PACRG: variants seen among roughly 807,000 people sequenced by gnomAD.
PACRG encodes parkin coregulated, also known as parkin coregulated gene protein.
In PACRG, 29 loss-of-function variants were observed where a neutral mutation model predicts 29.7. The observed-to-expected ratio is 0.98, with a 90% CI of 0.73 to 1.33. The LOEUF is 1.33. Ranked by LOEUF, PACRG falls within the 40% of genes most tolerant of loss-of-function variation. PACRG has a pLI of 0.00. For synonymous variants in PACRG, 116 were observed against 118.7 expected (o/e 0.98, Z 0.15); for missense variants, 279 against 316.2 (o/e 0.88, Z 0.89).
chr6:163,018,934 T>A (rs1806351350), intron 2 of PACRG, among the ~76,000 whole-genome samples: 1 of 152,228 alleles, frequency 6.6e-6, no homozygotes. Flanking sequence ...TTTTGTCTCC[T>A]GTGTTTCTTA....
intron 4 of PACRG, among the ~76,000 whole-genome samples, chr6:163,131,315 C>CAAAAAAAAAA (rs55958953): frequency 7.3e-6 from 1 of 136,184 alleles, no homozygotes; most frequent in Non-Finnish European, 1.6e-5. Context: ...CTGTCTCAAA[C>CAAAAAAAAAA]AAAAAAAAAA....
At chr6:162,792,342 T>C (rs550383481) in intron 1 of PACRG, among the ~76,000 whole-genome samples, 1 of 152,086 alleles carries the variant, frequency 6.6e-6, no homozygotes, top group African/African-American at 2.4e-5. Flanking sequence ...AGGGAAATAA[T>C]TGGATTTTCA....
chr6:163,166,813 G>C (rs1778834030), intron 4 of PACRG, among the ~76,000 whole-genome samples: 1 of 152,228 alleles, frequency 6.6e-6, no homozygotes, highest in East Asian at 1.9e-4. Context: ...ATAGTGTCTG[G>C]CTGAATGAGT....
rs1305019756 is a variant in PACRG at position 163,285,796 on chromosome 6, T to C, written c.614-29031T>C. Reference sequence around the variant, plus strand: ...CGGCTCTGTATAAATTCCTCTCAGGTAGATGACAGCATCTAGCAAAGAACA... The same window carrying C: ...CGGCTCTGTATAAATTCCTCTCAGGCAGATGACAGCATCTAGCAAAGAACA... On this transcript the variant is annotated intron_variant, in intron 4 of 4. Transcript: ENST00000366888. Among the ~76,000 whole-genome samples, 3 of 152,300 alleles carry C rather than the reference T, an allele frequency of 2.0e-5. No individual in the cohort carries two copies. The East Asian group carries it at 5.8e-4, about 29-fold the overall frequency.
intron 1 of PACRG, among the ~76,000 whole-genome samples, chr6:162,812,618 C>CA (rs56807129): frequency 2.0e-5 from 3 of 151,726 alleles, no homozygotes; most frequent in African/African-American, 7.3e-5. Flanking sequence ...TTATCATTTC[C>CA]AAAAAATGTG....
At chr6:162,776,801 G>A (rs540133989) in intron 1 of PACRG, among the ~76,000 whole-genome samples, 4 of 152,320 alleles carry the variant, frequency 2.6e-5, no homozygotes, top group South Asian at 4.1e-4. Context: ...TTACAGTATT[G>A]TAACTGACCC....
At chr6:162,992,195 A>C (rs1276545686) in intron 2 of PACRG, among the ~76,000 whole-genome samples, 30 of 125,876 alleles carry the variant, frequency 2.4e-4, no homozygotes, top group Middle Eastern at 3.9e-3. Context: ...ATTGGTCTAA[A>C]ATTCTCTTTT....
chr6:163,005,186 C>T (rs1053927892), intron 2 of PACRG, among the ~76,000 whole-genome samples: 2 of 151,958 alleles, frequency 1.3e-5, no homozygotes, highest in Non-Finnish European at 2.9e-5. Context: ...TGTGTCTTCT[C>T]TCTTTTTTGT....
At chr6:163,103,113 C>G (rs2128314928) in intron 4 of PACRG, among the ~76,000 whole-genome samples, 1 of 152,290 alleles carries the variant, frequency 6.6e-6, no homozygotes, top group Middle Eastern at 3.4e-3. Flanking sequence ...TTCTGCAGAT[C>G]AGAAATCCAG....
chr6:162,968,156 A>G (rs759023265), intron 2 of PACRG, among the ~76,000 whole-genome samples: 4 of 152,168 alleles, frequency 2.6e-5, no homozygotes, highest in African/African-American at 4.8e-5. Context: ...GTCTGTTTCT[A>G]TACTCCTCAG....
At chr6:162,758,548 A>G (rs1057061219) in intron 1 of PACRG, among the ~76,000 whole-genome samples, 2 of 152,200 alleles carry the variant, frequency 1.3e-5, no homozygotes, top group African/African-American at 4.8e-5. Flanking sequence ...TATGTAGATG[A>G]TAATATGGGT....
chr6:163,143,363 C>T (rs539621046), intron 4 of PACRG, among the ~76,000 whole-genome samples: 64 of 152,286 alleles, frequency 4.2e-4, no homozygotes, highest in African/African-American at 1.5e-3. Context: ...TGGTTTCCAA[C>T]GCATAAGTAG....
chr6:163,138,844 G>T (rs1360286767), intron 4 of PACRG, among the ~76,000 whole-genome samples: 1 of 152,144 alleles, frequency 6.6e-6, no homozygotes, highest in African/African-American at 2.4e-5. Flanking sequence ...CAAATACTTG[G>T]TTGTACTTGG....
At chr6:163,290,290 A>G (rs939071649) in intron 4 of PACRG, among the ~76,000 whole-genome samples, 7,149 of 102,294 alleles carry the variant, frequency 0.07, 559 homozygotes, top group African/African-American at 0.21. Flanking sequence ...ACACACACAC[A>G]CACACACACA....
intron 2 of PACRG, among the ~76,000 whole-genome samples, chr6:162,824,583 G>C (rs959402691): frequency 2.6e-5 from 4 of 152,066 alleles, no homozygotes; most frequent in Non-Finnish European, 5.9e-5. Flanking sequence ...TCAGAGATTC[G>C]TGTCAAGATG....
At chr6:163,163,294 C>T (rs1327927542) in intron 4 of PACRG, among the ~76,000 whole-genome samples, 2 of 152,092 alleles carry the variant, frequency 1.3e-5, no homozygotes, top group African/African-American at 4.8e-5. Context: ...CTTTTCGAGA[C>T]AGAGTCTCAC....
At chr6:162,874,322 G>A (rs1793105690) in intron 2 of PACRG, among the ~76,000 whole-genome samples, 1 of 151,832 alleles carries the variant, frequency 6.6e-6, no homozygotes, top group Non-Finnish European at 1.5e-5. Context: ...CTGCCGATTT[G>A]CCTACCAGTT....
At chr6:163,171,830 G>A (rs1038649084) in intron 4 of PACRG, among the ~76,000 whole-genome samples, 10 of 152,176 alleles carry the variant, frequency 6.6e-5, no homozygotes, top group African/African-American at 1.9e-4. Flanking sequence ...GGCCCAAGTC[G>A]GTAGCACTGC....
intron 4 of PACRG, chr6:163,166,204 A>G (rs1170126982): frequency 6.6e-6 from 3 of 456,316 alleles, no homozygotes; most frequent in Non-Finnish European, 1.3e-5. Context: ...CGAGGGCAAC[A>G]CTGAATCTGT....
Sources: gnomAD v4.1 joint callset for allele counts (sites outside exome capture counted in the v4.1 genomes callset) on GRCh38, gnomAD v4.1.1 for gene constraint, MANE v1.5 for transcripts, NCBI Gene and HGNC (gene_info 2026-07-23, HGNC 2026-07-21) for gene names.